Variants in UTRN observed in about 807,000 individuals in gnomAD.
The protein encoded by UTRN is dystrophin-related protein 1.
Under a neutral mutation model 463.9 loss-of-function variants are expected in UTRN, and 283 were observed. The ratio of observed to expected loss-of-function variants is 0.61; its 90% confidence interval spans 0.55 to 0.67. The LOEUF (loss-of-function observed/expected upper bound fraction) is 0.67. Ranked by LOEUF, UTRN falls within the 30% of genes least tolerant of loss-of-function variation. The pLI, the probability that UTRN is intolerant of heterozygous loss-of-function variation, is 0.00. For missense variants in UTRN, 3,922 were observed against 4,084.3 expected, an observed-to-expected ratio of 0.96 and a Z score of 1.08; for synonymous variants, 1,442 against 1,431.5, an observed-to-expected ratio of 1.01 and a Z score of -0.17.
intron 60 of UTRN, among the ~76,000 whole-genome samples, chr6:144,777,422 G>A (rs1344993245): frequency 6.6e-6 from 1 of 152,150 alleles, no homozygotes. Context: ...CAAAACTAAT[G>A]CTATATACAC....
rs542122338 is a variant in UTRN at position 144,369,240 on chromosome 6, G to C, written c.80-33883G>C. Among the ~76,000 whole-genome samples the C allele has an allele frequency of 5.6e-4, 86 of 152,362 alleles. 1 individual carries two copies. The highest frequency in any genetic ancestry group is 8.1e-4 in the Non-Finnish European group (55 of 68,038). On this transcript the variant is annotated intron_variant, in intron 2 of 74. Coordinates refer to ENST00000367545, the MANE Select transcript of UTRN (RefSeq NM_007124.3). ...ATAAGGTTTGTAGGACCATCTGACA[G>C]AGTGCTACCCTTAGTTGTTTTCTTT...
intron 51 of UTRN, among the ~76,000 whole-genome samples, chr6:144,666,109 A>G (rs887311066): frequency 5.9e-5 from 9 of 152,246 alleles, no homozygotes; most frequent in Non-Finnish European, 1.3e-4. Flanking sequence ...CCAGCTGTGC[A>G]GTGAGAGCCA....
chr6:144,570,674 C>T (rs777396631), intron 50 of UTRN, among the ~76,000 whole-genome samples: 14 of 152,174 alleles, frequency 9.2e-5, no homozygotes, highest in Non-Finnish European at 1.5e-4. Context: ...GGTGGTCTAG[C>T]TTCTGGATTG....
chr6:144,850,703 T>C (rs112849397), intron 74 of UTRN, among the ~76,000 whole-genome samples: 65 of 152,216 alleles, frequency 4.3e-4, no homozygotes, highest in African/African-American at 1.5e-3. Flanking sequence ...TCGCTCACCA[T>C]TGGTACCTTC....
At chr6:144,491,183 G>A in intron 32 of UTRN, 81 bp downstream of exon 32, 1 of 1,372,678 alleles carries the variant, frequency 7.3e-7, no homozygotes, top group Non-Finnish European at 9.8e-7. Context: ...CATGCCTAGT[G>A]TGTCCAGTGA....
chr6:144,557,306 A>G lies in UTRN; in HGVS notation c.7284A>G (p.Lys2428=). The G allele has an allele frequency of 1.2e-6, 2 of 1,613,032 alleles. No individual in the cohort carries two copies. Among genetic ancestry groups the G allele is most frequent in the Non-Finnish European group, 1.7e-6 (2 of 1,179,434 alleles). Residue 2428 remains lysine (K), a synonymous_variant, in exon 50 of 75, where the codon AAA becomes AAG. Transcript: ENST00000367545. ...TAAAAACATCATGGATCAATCTCAA[A>G]CAAAGGTAAGTCTAAGGCCCTGGCA... ...EYLKTSWINL[K]QSIADRQNAL... is the part of the protein sequence containing the mutation.
intron 9 of UTRN, among the ~76,000 whole-genome samples, chr6:144,430,341 T>G (rs757592576): frequency 6.6e-6 from 1 of 152,196 alleles, no homozygotes; most frequent in Non-Finnish European, 1.5e-5. Context: ...TTAGTTCTAC[T>G]GTTTGAATCA....
chr6:144,351,439 A>C (rs1300625245), intron 2 of UTRN, among the ~76,000 whole-genome samples: 2 of 152,200 alleles, frequency 1.3e-5, no homozygotes, highest in African/African-American at 4.8e-5. Context: ...TGTTGGGTTC[A>C]TTTAACCACA....
intron 17 of UTRN, 34 bp downstream of exon 17, chr6:144,448,803 T>C (rs772014450): frequency 1.9e-6 from 3 of 1,603,746 alleles, no homozygotes; most frequent in Admixed American, 3.4e-5. Flanking sequence ...TCAAATCCAA[T>C]ATTGCACATA....
chr6:144,461,312 C>T lies in UTRN; in HGVS notation c.2823C>T (p.Ala941=). The change falls in exon 22 of 75, where the codon GCC becomes GCT. Residue 941 remains alanine (A), a synonymous_variant. Transcript: ENST00000367545. The part of the protein sequence containing the change: ...QVSLNVLNDL[A]KVEKALQEKK... Reference sequence around the variant, plus strand: ...CTCTGAATGTCCTTAATGATCTTGCCAAGGTGGAGAAGGCCCTGCAAGAAA... The same window carrying T: ...CTCTGAATGTCCTTAATGATCTTGCTAAGGTGGAGAAGGCCCTGCAAGAAA... 6.3e-7 allele frequency: 1 copy of T among 1,585,872 alleles called. No individual in the cohort carries two copies. Among genetic ancestry groups the T allele is most frequent in the Non-Finnish European group, 8.6e-7 (1 of 1,164,466 alleles).
chr6:144,637,244 A>G (rs1179363491), intron 51 of UTRN, among the ~76,000 whole-genome samples: 1 of 152,220 alleles, frequency 6.6e-6, no homozygotes, highest in East Asian at 1.9e-4. Context: ...TGCTGGGATT[A>G]CAGGCGTGAG....
At chr6:144,363,453 A>G (rs1779246829) in intron 2 of UTRN, among the ~76,000 whole-genome samples, 1 of 152,154 alleles carries the variant, frequency 6.6e-6, no homozygotes, top group Admixed American at 6.5e-5. Flanking sequence ...TAGCATTATT[A>G]CTATTTGTTT....
intron 60 of UTRN, 97 bp from the exon 61 acceptor site, chr6:144,781,825 C>T (rs1190038803): frequency 1.2e-6 from 1 of 858,092 alleles, no homozygotes; most frequent in Non-Finnish European, 1.8e-6. Flanking sequence ...AAGAATCAAG[C>T]TAAATACTTG....
intron 2 of UTRN, among the ~76,000 whole-genome samples, chr6:144,397,417 A>AT (rs1782538515): frequency 6.6e-6 from 1 of 152,002 alleles, no homozygotes; most frequent in Admixed American, 6.6e-5. Context: ...AAGGAGGTTG[A>AT]TTTTTTTCAG....
Position 144,510,382 on chromosome 6 carries a change from G to A in UTRN, c.4765-562G>A, listed in dbSNP as rs370981106. On this transcript the variant is annotated intron_variant, in intron 34 of 74. Transcript: ENST00000367545. ...AGTTGTAAGACCAAAGCTTAGACTT[G>A]CTGCTCTCTTGTGAGTTACTTACAT... 1.4e-4 allele frequency among the ~76,000 whole-genome samples: 22 copies of A among 152,228 alleles called. 1 individual carries two copies. In the East Asian group the frequency reaches 4.1e-3, roughly 28 times the overall value.
intron 2 of UTRN, among the ~76,000 whole-genome samples, chr6:144,296,153 C>T (rs1471432131): frequency 6.6e-6 from 1 of 152,214 alleles, no homozygotes; most frequent in Non-Finnish European, 1.5e-5. Flanking sequence ...AGGGCCTGGA[C>T]TGGTACCAGT....
chr6:144,444,064 G>A (rs1787425897), intron 13 of UTRN, among the ~76,000 whole-genome samples: 2 of 152,134 alleles, frequency 1.3e-5, no homozygotes, highest in South Asian at 4.1e-4. Context: ...TTAGTTTCTA[G>A]CTATGTGAAA....
chr6:144,561,260 TAC>T (rs202040917), intron 50 of UTRN, among the ~76,000 whole-genome samples: 4 of 72,830 alleles, frequency 5.5e-5, no homozygotes, highest in Non-Finnish European at 1.2e-4. Context: ...TATATATATA[TAC>T]ATACACACAC....
rs1354053840 is a variant in UTRN at position 144,453,866 on chromosome 6, A to G, written c.2281A>G (p.Lys761Glu). The G allele has an allele frequency of 4.3e-6, 7 of 1,612,762 alleles. No individual in the cohort carries two copies. Among genetic ancestry groups the G allele is most frequent in the Non-Finnish European group, 5.9e-6 (7 of 1,179,188 alleles). ...TGQILVEQMG[K>E]EGLPTEEIKN... ...ACAAATCCTTGTGGAGCAAATGGGA[A>G]AAGGTAAGATCCTTGATTTTTTTCC... Residue 761 changes from lysine to glutamate, a missense_variant, in exon 19 of 75, where the codon AAA (lysine) becomes GAA (glutamate). By Grantham distance (56) the Lys-to-Glu change is moderately conservative. Transcript: ENST00000367545.
Sources: gnomAD v4.1 joint callset for allele counts (sites outside exome capture counted in the v4.1 genomes callset) on GRCh38, gnomAD v4.1.1 for gene constraint, MANE v1.5 for transcripts, NCBI Gene and HGNC (gene_info 2026-07-23, HGNC 2026-07-21) for gene names.